The following ADORA1 variants were observed in gnomAD, a reference collection of about 807,000 sequenced individuals.
The protein encoded by ADORA1 is adenosine A1 receptor.
Under a neutral mutation model 19.9 loss-of-function variants are expected in ADORA1, and 6 were observed. That is an observed-to-expected ratio of 0.30 (90% CI 0.17 to 0.59). ADORA1 has a LOEUF of 0.59. Ranked by LOEUF, ADORA1 falls within the 20% of genes least tolerant of loss-of-function variation. The pLI is 0.87. For missense variants in ADORA1, 302 were observed against 439.2 expected (o/e 0.69, Z 2.79); for synonymous variants, 194 against 188.4 (o/e 1.03, Z -0.24).
At chr1:203,158,820 A>G (rs1434475530) in intron 3 of ADORA1, among the ~76,000 whole-genome samples, 2 of 152,170 alleles carry the variant, frequency 1.3e-5, no homozygotes, top group African/African-American at 4.8e-5. Flanking sequence ...GGCTCATCCT[A>G]TGGCTGAAGG....
At chr1:203,129,694 A>G (rs1444039805) in intron 3 of ADORA1, 2 of 154,912 alleles carry the variant, frequency 1.3e-5, no homozygotes, top group African/African-American at 4.8e-5. Context: ...TCTCTCATTC[A>G]CCAGGTATCT....
chr1:203,128,648 G>A lies in ADORA1; in HGVS notation c.-57-137G>A, dbSNP rs1386894156. On this transcript the variant is annotated intron_variant, in intron 2 of 3. Transcript: ENST00000337894. This position sits in a 1 kb window ranked among gnomAD's most constrained non-coding sequence, Gnocchi z 5.9. ...ACAAAGATTAGGCAGAGAAGGGTCC[G>A]GGTGCCCCTCCAGCCTGGGTAGGAG... 5 of 1,083,820 alleles carry A rather than the reference G, an allele frequency of 4.6e-6. No homozygotes were observed. The highest frequency in any genetic ancestry group is 6.4e-6 in the Non-Finnish European group (5 of 778,406). The allele number at this position is 1,083,820 out of a possible 1,614,324, so 67.1% of individuals were successfully genotyped here.
At chr1:203,133,840 G>T (rs1291236241) in intron 3 of ADORA1, among the ~76,000 whole-genome samples, 1 of 152,198 alleles carries the variant, frequency 6.6e-6, no homozygotes, top group Non-Finnish European at 1.5e-5. Flanking sequence ...AAAGAAATCT[G>T]GTAAATTAGG....
intron 3 of ADORA1, among the ~76,000 whole-genome samples, chr1:203,153,056 C>A (rs1272082038): frequency 6.6e-6 from 1 of 152,142 alleles, no homozygotes; most frequent in East Asian, 1.9e-4. Context: ...CTGAGCAAAT[C>A]CAAACTTCTG....
Position 203,129,174 on chromosome 1 carries a change from C to A in ADORA1, c.333C>A (p.Ile111=). 6.2e-7 allele frequency: 1 copy of A among 1,610,572 alleles called. No individual in the cohort carries two copies. The highest frequency in any genetic ancestry group is 8.5e-7 in the Non-Finnish European group (1 of 1,178,036). Residue 111 remains isoleucine, a synonymous_variant, in exon 3 of 4, where the codon ATC becomes ATA. Transcript: ENST00000337894. ...TGGACCGCTACCTCCGGGTCAAGAT[C>A]CCTCTCCGGTGAGTCCACAGCGCCG... ...IAVDRYLRVK[I]PLRYKMVVTP...
At chr1:203,164,551 G>A (rs559924588) in intron 3 of ADORA1, among the ~76,000 whole-genome samples, 2 of 152,316 alleles carry the variant, frequency 1.3e-5, no homozygotes, top group East Asian at 3.9e-4. Flanking sequence ...TGGTTCTTGA[G>A]ATCAAGCCCT....
chr1:203,150,856 T>C (rs1458024635), intron 3 of ADORA1: 1 of 1,256,064 alleles, frequency 8.0e-7, no homozygotes, highest in African/African-American at 1.5e-5. Context: ...GGGGGCTAGG[T>C]GCTGTGAGCT....
At chr1:203,162,040 G>GA (rs1655388017) in intron 3 of ADORA1, among the ~76,000 whole-genome samples, 1 of 152,164 alleles carries the variant, frequency 6.6e-6, no homozygotes, top group Admixed American at 6.5e-5. Flanking sequence ...AGCCCTCGGG[G>GA]ATGCTGTGGA....
intron 3 of ADORA1, among the ~76,000 whole-genome samples, chr1:203,148,362 G>A (rs1264470533): frequency 6.6e-6 from 1 of 152,244 alleles, no homozygotes; most frequent in East Asian, 1.9e-4. Context: ...ATGAAGAGCA[G>A]AGGAGGGCTG....
At chr1:203,147,930 A>G (rs1218453545) in intron 3 of ADORA1, among the ~76,000 whole-genome samples, 2 of 152,228 alleles carry the variant, frequency 1.3e-5, no homozygotes, top group African/African-American at 2.4e-5. Flanking sequence ...TCCATGAAAT[A>G]AGCAAACAAA....
rs1159132817 is a variant in ADORA1 at position 203,128,601 on chromosome 1, C to G, written c.-58+169C>G. The stretch of plus-strand genomic sequence containing the variant: ...TATTTTAAGTTGCTGAATGGAACCT[C>G]TGGGAATGATAAAGGGAAGGGACAA... On this transcript the variant is annotated intron_variant, in intron 2 of 3. Transcript: ENST00000337894. This position sits in a 1 kb window ranked among gnomAD's most constrained non-coding sequence, Gnocchi z 5.9. Among the ~76,000 whole-genome samples the G allele has an allele frequency of 1.3e-5, 2 of 152,154 alleles. No individual in the cohort carries two copies. Among genetic ancestry groups the G allele is most frequent in the African/African-American group, 4.8e-5 (2 of 41,430 alleles).
chr1:203,165,144 G>A lies in ADORA1; in HGVS notation c.342-117G>A. 1 of 1,570,078 alleles carries A rather than the reference G, an allele frequency of 6.4e-7. No individual in the cohort carries two copies. The highest frequency in any genetic ancestry group is 1.2e-5 in the South Asian group (1 of 85,966). Reference sequence around the variant, plus strand: ...AAGACATGCACCTCCCCACTCACCGGGCCCTGGAAGAGGAGGGTGCTCCTC... The same window carrying A: ...AAGACATGCACCTCCCCACTCACCGAGCCCTGGAAGAGGAGGGTGCTCCTC... On this transcript the variant is annotated intron_variant, in intron 3 of 3. Transcript: ENST00000337894. This position sits in a 1 kb window ranked among gnomAD's most constrained non-coding sequence, Gnocchi z 5.9.
At chr1:203,131,963 G>A (rs1654355228) in intron 3 of ADORA1, among the ~76,000 whole-genome samples, 2 of 152,202 alleles carry the variant, frequency 1.3e-5, no homozygotes, top group Admixed American at 1.3e-4. Flanking sequence ...CGTGTCTGGG[G>A]CACCCGGATA....
chr1:203,150,277 G>A (rs1195435815), intron 3 of ADORA1, among the ~76,000 whole-genome samples: 1 of 152,236 alleles, frequency 6.6e-6, no homozygotes, highest in Non-Finnish European at 1.5e-5. Context: ...AGCCATCCCT[G>A]GAGCTGGGGC....
At position 203,128,488 on chromosome 1, in the gene ADORA1, GA is replaced by G; in HGVS notation, c.-58+57del. 8.1e-7 allele frequency: 1 copy of G among 1,232,136 alleles called. No homozygotes were observed. Among genetic ancestry groups the G allele is most frequent in the Non-Finnish European group, 1.1e-6 (1 of 937,344 alleles). The allele number at this position is 1,232,136 out of a possible 1,614,324, so 76.3% of individuals were successfully genotyped here. A position where few individuals can be genotyped will look rare whatever the true frequency, so the allele number is the denominator to read the frequency against. On this transcript the variant is annotated intron_variant, in intron 2 of 3. Coordinates refer to ENST00000337894, the MANE Select transcript of ADORA1 (RefSeq NM_000674.3). The surrounding 1 kb of genome is among the most constrained non-coding windows in gnomAD (Gnocchi z 5.9). ...GGGGTGGGCAGAGCCAGTCATGGGA[GA>G]CCCCTCTGTGCGTGTGTCTGTGTGT...
intron 3 of ADORA1, among the ~76,000 whole-genome samples, chr1:203,156,337 C>G (rs908992094): frequency 1.3e-5 from 2 of 152,120 alleles, no homozygotes; most frequent in Admixed American, 1.3e-4. Context: ...TCAGGAGAGT[C>G]AGGAATCTTC....
chr1:203,161,940 T>C (rs1188132689), intron 3 of ADORA1, among the ~76,000 whole-genome samples: 1 of 152,090 alleles, frequency 6.6e-6, no homozygotes, highest in East Asian at 1.9e-4. Context: ...CTCTTGGTGT[T>C]CTCCCGTCTC....
chr1:203,136,081 A>G (rs1654497352), intron 3 of ADORA1, among the ~76,000 whole-genome samples: 3 of 152,126 alleles, frequency 2.0e-5, no homozygotes, highest in African/African-American at 7.2e-5. Context: ...GTGGGGACAG[A>G]CACATAGAGC....
intron 3 of ADORA1, among the ~76,000 whole-genome samples, chr1:203,155,386 T>C (rs546957623): frequency 4.0e-4 from 61 of 152,232 alleles, no homozygotes; most frequent in Non-Finnish European, 4.7e-4. Context: ...GTTCTCTGAG[T>C]CAACCTAACT....
Sources: allele counts gnomAD v4.1 joint callset (sites outside exome capture counted in the v4.1 genomes callset), GRCh38; gene constraint gnomAD v4.1.1; non-coding constraint Gnocchi (gnomAD v3.1); transcripts MANE v1.5; gene names NCBI Gene and HGNC (gene_info 2026-07-23, HGNC 2026-07-21).